The following NDUFAF2 variants were observed in gnomAD, a reference collection of about 807,000 sequenced individuals.
NDUFAF2 encodes the protein NADH dehydrogenase [ubiquinone] 1 alpha subcomplex assembly factor 2.
Under a neutral mutation model 22.8 loss-of-function variants are expected in NDUFAF2, and 13 were observed. That is an observed-to-expected ratio of 0.57 (90% confidence interval 0.37 to 0.91). The LOEUF is 0.91. Among genes scored for constraint, NDUFAF2 ranks in the 40% least tolerant of loss-of-function variants. The pLI, the probability that NDUFAF2 is intolerant of heterozygous loss-of-function variation, is 0.01. For missense variants in NDUFAF2, 162 were observed against 195.2 expected (o/e 0.83, Z 1.01); for synonymous variants, 53 against 64.2 (o/e 0.83, Z 0.84).
At chr5:61,139,991 A>C (rs1046246417) in intron 3 of NDUFAF2, among the ~76,000 whole-genome samples, 10 of 151,924 alleles carry the variant, frequency 6.6e-5, no homozygotes, top group African/African-American at 2.4e-4. Context: ...ACTCAGGAAA[A>C]CTCCCTGCCT....
intron 1 of NDUFAF2, among the ~76,000 whole-genome samples, chr5:60,982,981 T>A (rs1038480480): frequency 5.9e-5 from 9 of 151,938 alleles, no homozygotes; most frequent in Non-Finnish European, 8.8e-5. Context: ...CCACACTGAC[T>A]TCCACAATGG....
chr5:61,076,603 T>C (rs1343626923), intron 2 of NDUFAF2, among the ~76,000 whole-genome samples: 1 of 152,146 alleles, frequency 6.6e-6, no homozygotes, highest in Non-Finnish European at 1.5e-5. Context: ...GTTAATAGGA[T>C]TGTGAATCTG....
At position 60,946,417 on chromosome 5, in the gene NDUFAF2, CAATT is replaced by C. The variant is rs370126311; in HGVS notation, c.127+1040_127+1043del. The stretch of plus-strand genomic sequence containing the variant: ...AAAATGTATTCTGTGATTTATCACT[CAATT>C]AATTTATTTTTGCCTGGCCTTTTTC... On this transcript the variant is annotated intron_variant, in intron 1 of 3. Coordinates refer to ENST00000296597, the MANE Select transcript of NDUFAF2 (RefSeq NM_174889.5). Among the ~76,000 whole-genome samples the C allele has an allele frequency of 9.2e-5, 14 of 152,192 alleles. No homozygotes were observed. In the East Asian group the frequency reaches 1.5e-3, roughly 17 times the overall value.
At chr5:61,090,414 A>G (rs1212245848) in intron 2 of NDUFAF2, among the ~76,000 whole-genome samples, 1 of 152,054 alleles carries the variant, frequency 6.6e-6, no homozygotes, top group Non-Finnish European at 1.5e-5. Flanking sequence ...TATGATTTTC[A>G]TGTCATGAAA....
At chr5:61,121,712 A>G (rs373888243) in intron 3 of NDUFAF2, among the ~76,000 whole-genome samples, 72 of 152,242 alleles carry the variant, frequency 4.7e-4, no homozygotes, top group African/African-American at 1.7e-3. Flanking sequence ...CTTACCCTCT[A>G]TTAAATTAGT....
At chr5:61,023,627 C>A (rs977753152) in intron 1 of NDUFAF2, among the ~76,000 whole-genome samples, 19 of 152,014 alleles carry the variant, frequency 1.2e-4, no homozygotes, top group Non-Finnish European at 2.5e-4. Context: ...AATTTTACAC[C>A]ACGGAATTAT....
intron 1 of NDUFAF2, among the ~76,000 whole-genome samples, chr5:61,023,169 C>T (rs1371666605): frequency 6.6e-6 from 1 of 152,098 alleles, no homozygotes; most frequent in East Asian, 1.9e-4. Flanking sequence ...ATTCTGTCCT[C>T]CATATCAGCT....
At chr5:61,040,293 CGCGCGCGCGA>C (rs1274715641) in intron 1 of NDUFAF2, among the ~76,000 whole-genome samples, 107 of 127,818 alleles carry the variant, frequency 8.4e-4, no homozygotes, top group Middle Eastern at 3.7e-3. Context: ...CACACGCGCG[CGCGCGCGCGA>C]AAGTTGAAAG....
At chr5:61,100,497 A>G (rs1752692790) in intron 3 of NDUFAF2, among the ~76,000 whole-genome samples, 1 of 150,958 alleles carries the variant, frequency 6.6e-6, no homozygotes, top group African/African-American at 2.4e-5. Flanking sequence ...GTGTACTATC[A>G]ATCACATTGT....
intron 1 of NDUFAF2, among the ~76,000 whole-genome samples, chr5:60,984,413 G>A (rs1261889242): frequency 6.6e-6 from 1 of 151,992 alleles, no homozygotes; most frequent in African/African-American, 2.4e-5. Context: ...TGATTGCCCT[G>A]GCCAGAACTT....
rs561944136 is a variant in NDUFAF2 at position 60,950,758 on chromosome 5, A to G, written c.127+5376A>G. On this transcript the variant is annotated intron_variant, in intron 1 of 3. Transcript: ENST00000296597. ...CAATTTTAGGTTTACAGAAAAATTG[A>G]ATGGAAACTACTCAGATATTCCTGC... is the stretch of plus-strand genomic sequence containing the variant. Among the ~76,000 whole-genome samples, 7 of 151,940 alleles carry G rather than the reference A, an allele frequency of 4.6e-5. No individual in the cohort carries two copies. In the South Asian group the frequency reaches 1.5e-3, roughly 32 times the overall value.
intron 1 of NDUFAF2, among the ~76,000 whole-genome samples, chr5:61,052,102 A>G (rs1752031538): frequency 6.7e-6 from 1 of 148,386 alleles, no homozygotes; most frequent in African/African-American, 2.4e-5. Context: ...AAAATCTTAT[A>G]TAATTACCCC....
At chr5:61,115,529 C>T (rs757279146) in intron 3 of NDUFAF2, 2 of 152,140 alleles carry the variant, frequency 1.3e-5, no homozygotes, top group African/African-American at 2.4e-5. Context: ...TCTATTTGGA[C>T]CTCTTGCTCC....
At chr5:61,098,047 C>G (rs1752665762) in intron 2 of NDUFAF2, among the ~76,000 whole-genome samples, 1 of 152,022 alleles carries the variant, frequency 6.6e-6, no homozygotes, top group African/African-American at 2.4e-5. Context: ...TATTATTGAT[C>G]TTTTGTTTTT....
chr5:61,041,960 A>C (rs1396233167), intron 1 of NDUFAF2, among the ~76,000 whole-genome samples: 7 of 152,204 alleles, frequency 4.6e-5, no homozygotes, highest in Admixed American at 4.6e-4. Context: ...TTTTCCTGAC[A>C]TATCATGTGA....
chr5:61,104,425 A>G (rs1752738204), intron 3 of NDUFAF2, among the ~76,000 whole-genome samples: 1 of 152,120 alleles, frequency 6.6e-6, no homozygotes, highest in African/African-American at 2.4e-5. Context: ...AAGTTACAAT[A>G]TTAGAGTTCA....
intron 1 of NDUFAF2, among the ~76,000 whole-genome samples, chr5:60,960,939 C>G (rs931117225): frequency 2.0e-5 from 3 of 151,932 alleles, no homozygotes; most frequent in Non-Finnish European, 4.4e-5. Flanking sequence ...AATATAACTC[C>G]GATTAAGCAT....
intron 1 of NDUFAF2, among the ~76,000 whole-genome samples, chr5:61,064,700 C>T (rs1265197007): frequency 6.6e-6 from 1 of 151,970 alleles, no homozygotes; most frequent in African/African-American, 2.4e-5. Context: ...AGTGGAAGCA[C>T]AGCATACCAA....
intron 1 of NDUFAF2, among the ~76,000 whole-genome samples, chr5:61,059,734 G>T (rs1290137962): frequency 6.6e-6 from 1 of 151,996 alleles, no homozygotes. Flanking sequence ...GAACTAGTAG[G>T]CAGTCTTAAA....
Sources: allele counts gnomAD v4.1 joint callset (sites outside exome capture counted in the v4.1 genomes callset), GRCh38; gene constraint gnomAD v4.1.1; transcripts MANE v1.5; gene names NCBI Gene and HGNC (gene_info 2026-07-23, HGNC 2026-07-21).